Variants in CAMTA1 observed in about 807,000 individuals in gnomAD.
The protein encoded by CAMTA1 is calmodulin-binding transcription activator 1.
A neutral mutation model predicts 170.9 loss-of-function variants in CAMTA1; 27 were observed. The ratio of observed to expected loss-of-function variants is 0.16; its 90% CI spans 0.12 to 0.22. The LOEUF is 0.22. Among genes scored for constraint, CAMTA1 ranks in the 10% least tolerant of loss-of-function variants. The pLI is 1.00. For synonymous variants in CAMTA1, 833 were observed against 891.5 expected (o/e 0.93, Z 1.17); for missense variants, 1,619 against 2,217.2 (o/e 0.73, Z 5.42).
intron 3 of CAMTA1, among the ~76,000 whole-genome samples, chr1:7,018,382 GA>G (rs1700865030): frequency 6.6e-6 from 1 of 152,162 alleles, no homozygotes; most frequent in Admixed American, 6.5e-5. Context: ...TGTAGGGGTT[GA>G]ATGTCTTTTG....
chr1:7,489,495 G>T (rs1248791077), intron 6 of CAMTA1, among the ~76,000 whole-genome samples: 1 of 152,138 alleles, frequency 6.6e-6, no homozygotes, highest in African/African-American at 2.4e-5. Flanking sequence ...GGTGTCGGAG[G>T]AACTCACTCC....
In CAMTA1 at chr1:7,447,445, G is replaced by C. The variant is rs1006854119; in HGVS notation, c.439-20385G>C. Among the ~76,000 whole-genome samples the C allele has an allele frequency of 1.6e-3, 246 of 150,370 alleles. 2 individuals carry two copies. Among genetic ancestry groups the C allele is most frequent in the Non-Finnish European group, 3.1e-3 (211 of 67,482 alleles). On this transcript the variant is annotated intron_variant, in intron 5 of 22. Transcript: ENST00000303635. ...GGGGCGGGGTGGGGGGTGAGGGGGT[G>C]GGGGAGCTGCTGAGTGCTGGATTTC...
chr1:6,871,773 G>T, intron 3 of CAMTA1: 1 of 1,534,610 alleles, frequency 6.5e-7, no homozygotes, highest in Non-Finnish European at 8.7e-7. Flanking sequence ...TGATGCAGCC[G>T]TCCTTTTGGA....
At chr1:7,417,532 G>C (rs557548014) in intron 5 of CAMTA1, among the ~76,000 whole-genome samples, 15 of 152,344 alleles carry the variant, frequency 9.8e-5, no homozygotes, top group African/African-American at 3.6e-4. Flanking sequence ...AGACTGCTGT[G>C]CTAGCAATCA....
Position 7,333,845 on chromosome 1 carries a change from C to T in CAMTA1, c.438+84219C>T, listed in dbSNP as rs996824616. Among the ~76,000 whole-genome samples, 1 of 152,194 alleles carries T rather than the reference C, an allele frequency of 6.6e-6. No individual in the cohort carries two copies. Among genetic ancestry groups the T allele is most frequent in the African/African-American group, 2.4e-5 (1 of 41,454 alleles). ...CCTCAAAATCCTCTCTCTGTGTTTACATTTTAATGGGCATTCCAGTGAAAT... is the reference window on the plus strand; with the variant it reads ...CCTCAAAATCCTCTCTCTGTGTTTATATTTTAATGGGCATTCCAGTGAAAT... On this transcript the variant is annotated intron_variant, in intron 5 of 22. Coordinates refer to ENST00000303635, the MANE Select transcript of CAMTA1 (RefSeq NM_015215.4). This position sits in a 1 kb window ranked among gnomAD's most constrained non-coding sequence, Gnocchi z 4.4.
intron 4 of CAMTA1, among the ~76,000 whole-genome samples, chr1:7,244,887 T>TATA (rs914306053): frequency 6.6e-6 from 1 of 151,588 alleles, no homozygotes; most frequent in South Asian, 2.1e-4. Flanking sequence ...AAGCTTAAAG[T>TATA]ATAATAATAA....
At chr1:7,710,253 A>G (rs1283494670) in intron 11 of CAMTA1, among the ~76,000 whole-genome samples, 1 of 152,172 alleles carries the variant, frequency 6.6e-6, no homozygotes, top group Admixed American at 6.5e-5. Context: ...TGTTTTGTAG[A>G]TAAATTCTAA....
At chr1:6,840,254 T>G (rs1369967329) in intron 3 of CAMTA1, among the ~76,000 whole-genome samples, 1 of 152,054 alleles carries the variant, frequency 6.6e-6, no homozygotes, top group African/African-American at 2.4e-5. Flanking sequence ...TATTGGAGGA[T>G]GAGCTATTAG....
chr1:7,562,386 G>T lies in CAMTA1; in HGVS notation c.511-78014G>T, dbSNP rs576250792. On this transcript the variant is annotated intron_variant, in intron 6 of 22. Transcript: ENST00000303635. This position sits in a 1 kb window ranked among gnomAD's most constrained non-coding sequence, Gnocchi z 4.8. ...TTGGGTATCAGGGCTGGTGGCAGCA[G>T]CAGGGCAGGCCGCGGCAGCTCAGCT... Among the ~76,000 whole-genome samples the T allele has an allele frequency of 2.0e-5, 3 of 152,322 alleles. No homozygotes were observed. In the East Asian group the frequency reaches 5.8e-4, roughly 29 times the overall value.
Position 6,925,011 on chromosome 1 carries a change from G to A in CAMTA1, c.234+99801G>A, listed in dbSNP as rs531813605. 3.3e-5 allele frequency among the ~76,000 whole-genome samples: 5 copies of A among 152,356 alleles called. No homozygotes were observed. In the South Asian group the frequency reaches 8.3e-4, roughly 25 times the overall value. ...CTGACTGGCTATGCTGGCCCTTCAC[G>A]GCCGGTGTGCTGACAACTTTATCTG... On this transcript the variant is annotated intron_variant, in intron 3 of 22. Transcript: ENST00000303635.
At chr1:7,621,903 G>A (rs538719355) in intron 6 of CAMTA1, among the ~76,000 whole-genome samples, 108 of 152,282 alleles carry the variant, frequency 7.1e-4, no homozygotes, top group Non-Finnish European at 1.2e-3. Context: ...GCTCCCTGGC[G>A]CCTCTAGAGA....
intron 4 of CAMTA1, among the ~76,000 whole-genome samples, chr1:7,129,600 G>A (rs1645130056): frequency 6.6e-6 from 1 of 152,154 alleles, no homozygotes; most frequent in African/African-American, 2.4e-5. Context: ...TCTGTGAAAT[G>A]GAGACATTAA....
chr1:7,473,258 G>C (rs1466122807), intron 6 of CAMTA1, among the ~76,000 whole-genome samples: 1 of 152,312 alleles, frequency 6.6e-6, no homozygotes, highest in East Asian at 1.9e-4. Context: ...GCCCTCCATG[G>C]GAGCCCTGCA....
intron 4 of CAMTA1, among the ~76,000 whole-genome samples, chr1:7,201,450 A>T (rs1047523020): frequency 6.6e-6 from 1 of 152,110 alleles, no homozygotes; most frequent in Non-Finnish European, 1.5e-5. Flanking sequence ...TTACTTGAGG[A>T]ACTGTTAGAC....
At chr1:7,483,336 A>T (rs896297802) in intron 6 of CAMTA1, among the ~76,000 whole-genome samples, 4 of 152,178 alleles carry the variant, frequency 2.6e-5, no homozygotes, top group African/African-American at 4.8e-5. Context: ...GTTCAATCTA[A>T]AATCTGGTGC....
chr1:7,651,996 G>A (rs2095851163), intron 7 of CAMTA1, among the ~76,000 whole-genome samples: 1 of 152,188 alleles, frequency 6.6e-6, no homozygotes, highest in Non-Finnish European at 1.5e-5. Context: ...ATGAAAGACA[G>A]CCAAGACGAA....
chr1:7,539,465 C>T (rs761679790), intron 6 of CAMTA1, among the ~76,000 whole-genome samples: 2 of 152,224 alleles, frequency 1.3e-5, no homozygotes, highest in African/African-American at 2.4e-5. Context: ...AGAGAAAGCA[C>T]GTAGCATATT....
At chr1:7,516,825 G>GC (rs1303198440) in intron 6 of CAMTA1, among the ~76,000 whole-genome samples, 1 of 152,202 alleles carries the variant, frequency 6.6e-6, no homozygotes, top group Non-Finnish European at 1.5e-5. Context: ...AGCCCTGTCT[G>GC]CCAGCAAAGG....
Position 7,195,557 on chromosome 1 carries a change from A to G in CAMTA1, c.303-53934A>G, listed in dbSNP as rs969968109. ...CTGATGCAGGTGGATACCAGCAGGCAACAGTGGTTGGCACTGTGACACTCT... is the reference window on the plus strand; with the variant it reads ...CTGATGCAGGTGGATACCAGCAGGCGACAGTGGTTGGCACTGTGACACTCT... On this transcript the variant is annotated intron_variant, in intron 4 of 22. Coordinates refer to ENST00000303635, the MANE Select transcript of CAMTA1 (RefSeq NM_015215.4). The surrounding 1 kb of genome is among the most constrained non-coding windows in gnomAD (Gnocchi z 4.1). 1.3e-5 allele frequency among the ~76,000 whole-genome samples: 2 copies of G among 152,116 alleles called. No individual in the cohort carries two copies. Among genetic ancestry groups the G allele is most frequent in the Non-Finnish European group, 2.9e-5 (2 of 68,036 alleles).
Sources: gnomAD v4.1 joint callset for allele counts (sites outside exome capture counted in the v4.1 genomes callset) on GRCh38, gnomAD v4.1.1 for gene constraint, Gnocchi (gnomAD v3.1) non-coding constraint, MANE v1.5 for transcripts, NCBI Gene and HGNC (gene_info 2026-07-23, HGNC 2026-07-21) for gene names.